Variants in DENND1A observed in about 807,000 individuals in gnomAD.
DENND1A encodes DENN domain-containing protein 1A.
DENND1A carries 51 observed loss-of-function variants against 113.7 expected under a neutral mutation model. The observed-to-expected ratio is 0.45, with a 90% confidence interval of 0.36 to 0.57. The LOEUF is 0.57. Ranked by LOEUF, DENND1A falls within the 20% of genes least tolerant of loss-of-function variation. The probability of loss-of-function intolerance (pLI) is 0.00; values close to 1 mark genes in which losing one functional copy is unlikely to be tolerated. For synonymous variants in DENND1A, 565 were observed against 570.8 expected (o/e 0.99, Z 0.14); for missense variants, 1,258 against 1,395.9 (o/e 0.90, Z 1.57).
chr9:123,928,106 A>G (rs959231401), intron 1 of DENND1A, among the ~76,000 whole-genome samples: 1 of 152,248 alleles, frequency 6.6e-6, no homozygotes, highest in Admixed American at 6.5e-5. Flanking sequence ...CACGCTTAAT[A>G]CAATTCCATG....
chr9:123,719,748 T>G (rs978241363), intron 5 of DENND1A, among the ~76,000 whole-genome samples: 2 of 152,140 alleles, frequency 1.3e-5, no homozygotes, highest in Non-Finnish European at 2.9e-5. Flanking sequence ...TCATAACACA[T>G]AGCCTGAAGG....
At chr9:123,613,378 C>CA (rs939913283) in intron 10 of DENND1A, among the ~76,000 whole-genome samples, 2 of 152,034 alleles carry the variant, frequency 1.3e-5, no homozygotes, top group Admixed American at 6.5e-5. Flanking sequence ...GAATCCAACA[C>CA]ATCTGAATCC....
chr9:123,743,986 T>C (rs1189845137), intron 5 of DENND1A, among the ~76,000 whole-genome samples: 1 of 152,166 alleles, frequency 6.6e-6, no homozygotes, highest in Non-Finnish European at 1.5e-5. Flanking sequence ...AGTTACTATT[T>C]TGGTAGCTAA....
At chr9:123,891,385 T>A (rs971062985) in intron 1 of DENND1A, among the ~76,000 whole-genome samples, 2 of 152,240 alleles carry the variant, frequency 1.3e-5, no homozygotes, top group African/African-American at 2.4e-5. Context: ...AGAAGTTTTT[T>A]AAATCAGATT....
intron 2 of DENND1A, among the ~76,000 whole-genome samples, chr9:123,804,045 A>G (rs1564301809): frequency 6.6e-6 from 1 of 152,230 alleles, no homozygotes; most frequent in Non-Finnish European, 1.5e-5. Flanking sequence ...ACCAAATCTC[A>G]TCTTGAATTG....
intron 11 of DENND1A, 36 bp from the exon 12 acceptor site, chr9:123,583,306 T>C (rs771295991): frequency 5.3e-6 from 8 of 1,520,130 alleles, no homozygotes; most frequent in Non-Finnish European, 7.3e-6. Context: ...AGAAGGTCAT[T>C]GAGGTGCCAT....
chr9:123,878,410 C>G (rs1424955072), intron 2 of DENND1A, among the ~76,000 whole-genome samples: 1 of 152,094 alleles, frequency 6.6e-6, no homozygotes, highest in African/African-American at 2.4e-5. Flanking sequence ...TCCTAGGACC[C>G]TCTTGTCCAG....
intron 3 of DENND1A, among the ~76,000 whole-genome samples, chr9:123,786,085 C>T (rs760130535): frequency 7.2e-5 from 11 of 151,862 alleles, no homozygotes; most frequent in Non-Finnish European, 1.3e-4. Flanking sequence ...TGTTGGCACA[C>T]ACTTGTAATT....
chr9:123,399,020 T>A (rs1448263509), intron 21 of DENND1A, among the ~76,000 whole-genome samples: 1 of 151,284 alleles, frequency 6.6e-6, no homozygotes, highest in African/African-American at 2.4e-5. Context: ...GGTCTTGAAC[T>A]CCTGACCTCA....
chr9:123,552,245 C>T (rs1321577266), intron 13 of DENND1A, among the ~76,000 whole-genome samples: 1 of 152,156 alleles, frequency 6.6e-6, no homozygotes, highest in Non-Finnish European at 1.5e-5. Context: ...CTGGCAGGGT[C>T]CTCCTCAGAG....
chr9:123,901,645 A>G (rs1851638578), intron 1 of DENND1A, among the ~76,000 whole-genome samples: 1 of 152,162 alleles, frequency 6.6e-6, no homozygotes, highest in South Asian at 2.1e-4. Flanking sequence ...CAAACTCTAG[A>G]GTCCTCATCA....
At chr9:123,620,965 C>A (rs904854388) in intron 10 of DENND1A, among the ~76,000 whole-genome samples, 1 of 152,122 alleles carries the variant, frequency 6.6e-6, no homozygotes, top group Non-Finnish European at 1.5e-5. Flanking sequence ...ATGCCCACTG[C>A]CAGGAATATA....
At chr9:123,904,646 G>T (rs1173762384) in intron 1 of DENND1A, among the ~76,000 whole-genome samples, 1 of 150,264 alleles carries the variant, frequency 6.7e-6, no homozygotes, top group Non-Finnish European at 1.5e-5. Flanking sequence ...AAGCGAGAAG[G>T]GAAGTTTAGA....
chr9:123,382,760 A>G, intron 23 of DENND1A, 135 bp from the exon 24 acceptor site: 1 of 946,768 alleles, frequency 1.1e-6, no homozygotes, highest in Non-Finnish European at 1.6e-6. Flanking sequence ...CGGACTTGGA[A>G]CAGCTGAGGG....
intron 2 of DENND1A, among the ~76,000 whole-genome samples, chr9:123,863,855 G>A (rs10491550): frequency 0.046 from 7,011 of 152,028 alleles, 189 homozygotes; most frequent in Middle Eastern, 0.092. Flanking sequence ...ATGGGCACAA[G>A]AACTATATCC....
At chr9:123,496,404 T>C (rs1819642810) in intron 13 of DENND1A, among the ~76,000 whole-genome samples, 1 of 152,244 alleles carries the variant, frequency 6.6e-6, no homozygotes, top group Non-Finnish European at 1.5e-5. Flanking sequence ...TGGCAAGTGA[T>C]TTTGAAGAGG....
intron 2 of DENND1A, among the ~76,000 whole-genome samples, chr9:123,840,446 C>T (rs1320019378): frequency 2.0e-5 from 3 of 151,580 alleles, no homozygotes; most frequent in Non-Finnish European, 2.9e-5. Flanking sequence ...CCAATGAGGT[C>T]GTTAGAATTT....
chr9:123,472,122 T>G (rs1290132810), intron 13 of DENND1A, among the ~76,000 whole-genome samples: 3 of 152,166 alleles, frequency 2.0e-5, no homozygotes, highest in African/African-American at 7.2e-5. Context: ...TCAGGGGAGA[T>G]CAACGTCCTT....
chr9:123,882,126 C>T (rs952620014), intron 1 of DENND1A, among the ~76,000 whole-genome samples: 6 of 152,046 alleles, frequency 3.9e-5, no homozygotes, highest in African/African-American at 1.4e-4. Flanking sequence ...CATTACCATG[C>T]ATACAAGCCC....
Sources: allele counts gnomAD v4.1 joint callset (sites outside exome capture counted in the v4.1 genomes callset), GRCh38; gene constraint gnomAD v4.1.1; transcripts MANE v1.5; gene names NCBI Gene and HGNC (gene_info 2026-07-23, HGNC 2026-07-21).